The following CEP128 variants were observed in gnomAD, a reference collection of about 807,000 sequenced individuals.
CEP128 encodes centrosomal protein 128kDa.
Under a neutral mutation model 156.7 loss-of-function variants are expected in CEP128, and 132 were observed. The ratio of observed to expected loss-of-function variants is 0.84; its 90% CI spans 0.73 to 0.97. CEP128 has a LOEUF of 0.97. Ranked by LOEUF, CEP128 falls within the 50% of genes least tolerant of loss-of-function variation. The pLI is 0.00. For synonymous variants in CEP128, 469 were observed against 448.9 expected, an observed-to-expected ratio of 1.04 and a Z score of -0.57; for missense variants, 1,252 against 1,281.9, an observed-to-expected ratio of 0.98 and a Z score of 0.36.
chr14:80,526,881 G>C lies in CEP128; in HGVS notation c.3060C>G (p.Thr1020=). The C allele has an allele frequency of 1.3e-6, 2 of 1,589,770 alleles. No individual in the cohort carries two copies. The highest frequency in any genetic ancestry group is 1.7e-6 in the Non-Finnish European group (2 of 1,161,228). ...QHHQDDTKYR[T]KSFKGDRTFL... is the part of the protein sequence containing the mutation. ...TAAAGAAAATTACTTTGAAACTTTT[G>C]GTTCTGTACTTGGTGTCATCTTGGT... Residue 1020 remains threonine, a synonymous_variant, in exon 23 of 25, where the codon ACC becomes ACG. Transcript: ENST00000555265.
At chr14:80,529,659 T>C (rs1889136889) in intron 22 of CEP128, among the ~76,000 whole-genome samples, 1 of 152,198 alleles carries the variant, frequency 6.6e-6, no homozygotes, top group Non-Finnish European at 1.5e-5. Context: ...AAAATGAAAA[T>C]AATATGGGCA....
At chr14:80,681,136 A>G (rs1896307841) in intron 19 of CEP128, among the ~76,000 whole-genome samples, 2 of 152,180 alleles carry the variant, frequency 1.3e-5, no homozygotes, top group Admixed American at 1.3e-4. Flanking sequence ...ACGGTACTAT[A>G]AAAGCAAAGC....
chr14:80,828,273 C>T (rs539256623), intron 13 of CEP128, among the ~76,000 whole-genome samples: 57 of 152,120 alleles, frequency 3.7e-4, no homozygotes, highest in Middle Eastern at 6.8e-3. Flanking sequence ...CAGGCACCTG[C>T]CACCACACCT....
chr14:80,768,389 G>A (rs1276790367), intron 16 of CEP128, among the ~76,000 whole-genome samples: 2 of 152,168 alleles, frequency 1.3e-5, no homozygotes, highest in Non-Finnish European at 2.9e-5. Context: ...GTCCATGTGT[G>A]AGAGAATGAG....
At chr14:80,676,660 G>A (rs1896074222) in intron 19 of CEP128, among the ~76,000 whole-genome samples, 1 of 152,048 alleles carries the variant, frequency 6.6e-6, no homozygotes, top group East Asian at 1.9e-4. Flanking sequence ...TATTTAAAAG[G>A]ATGTTTCAAA....
intron 4 of CEP128, among the ~76,000 whole-genome samples, chr14:80,912,141 T>G (rs939313030): frequency 2.7e-5 from 4 of 150,110 alleles, no homozygotes; most frequent in African/African-American, 9.9e-5. Context: ...CGCTTAAACC[T>G]GGGAGGCGGA....
intron 19 of CEP128, among the ~76,000 whole-genome samples, chr14:80,627,736 TTTTC>T (rs1407156953): frequency 2.2e-5 from 2 of 91,996 alleles, no homozygotes; most frequent in South Asian, 5.5e-4. Flanking sequence ...TTAATTATTA[TTTTC>T]TTTTTTTTTT....
intron 13 of CEP128, among the ~76,000 whole-genome samples, chr14:80,816,571 G>A (rs1306980277): frequency 6.6e-6 from 1 of 152,208 alleles, no homozygotes; most frequent in Non-Finnish European, 1.5e-5. Flanking sequence ...ATTCTGGCAG[G>A]AAGCAGACTA....
At chr14:80,579,387 C>A (rs1445347225) in intron 20 of CEP128, among the ~76,000 whole-genome samples, 1 of 151,304 alleles carries the variant, frequency 6.6e-6, no homozygotes, top group Non-Finnish European at 1.5e-5. Context: ...CTAATCTGTA[C>A]AAAACTGAAG....
intron 24 of CEP128, 55 bp from the exon 25 acceptor site, chr14:80,497,637 TA>T (rs1185594894): frequency 9.7e-6 from 11 of 1,137,992 alleles, no homozygotes; most frequent in African/African-American, 3.1e-5. Context: ...AAAACTGGCC[TA>T]AAAAATTAAT....
chr14:80,553,090 T>A (rs1332305425), intron 21 of CEP128, among the ~76,000 whole-genome samples: 2 of 151,838 alleles, frequency 1.3e-5, no homozygotes, highest in East Asian at 3.9e-4. Context: ...TTTCTTTTTT[T>A]TAATTATACT....
chr14:80,632,928 A>G (rs1015929402), intron 19 of CEP128, among the ~76,000 whole-genome samples: 2 of 152,178 alleles, frequency 1.3e-5, no homozygotes, highest in Non-Finnish European at 1.5e-5. Context: ...CTACGTGTGC[A>G]TTTAAAAATT....
At chr14:80,877,657 G>A (rs1052122419) in intron 8 of CEP128, among the ~76,000 whole-genome samples, 1 of 152,170 alleles carries the variant, frequency 6.6e-6, no homozygotes, top group African/African-American at 2.4e-5. Context: ...CACAGGGAAG[G>A]AAAGGAATCA....
chr14:80,945,122 C>T (rs1222510369), upstream of CEP128, among the ~76,000 whole-genome samples: 5 of 152,024 alleles, frequency 3.3e-5, no homozygotes, highest in South Asian at 2.1e-4. Context: ...GCTGCAAGTC[C>T]GAGATCAATG....
At chr14:80,649,401 T>C (rs995142323) in intron 19 of CEP128, among the ~76,000 whole-genome samples, 4 of 151,688 alleles carry the variant, frequency 2.6e-5, no homozygotes, top group East Asian at 3.9e-4. Flanking sequence ...CTGAAAAAAA[T>C]TGATATTAAT....
At chr14:80,496,392 T>C (rs190825550), downstream of CEP128, 1 of 152,718 alleles carries the variant, frequency 6.5e-6, no homozygotes, top group East Asian at 1.9e-4. Flanking sequence ...TATGGTAAGT[T>C]AGGACAACAT....
chr14:80,767,172 C>T (rs546861498), intron 16 of CEP128, among the ~76,000 whole-genome samples: 65 of 152,144 alleles, frequency 4.3e-4, no homozygotes, highest in Non-Finnish European at 8.5e-4. Context: ...AAAATGTCAA[C>T]CAGGGCAGAA....
intron 14 of CEP128, among the ~76,000 whole-genome samples, chr14:80,479,358 C>T (rs554004664): frequency 3.8e-4 from 58 of 152,094 alleles, no homozygotes; most frequent in Non-Finnish European, 5.9e-4. Flanking sequence ...AAACTGGGAA[C>T]AAAAAGAGGT....
chr14:80,626,759 G>A (rs796583428), intron 19 of CEP128, among the ~76,000 whole-genome samples: 13 of 152,126 alleles, frequency 8.5e-5, no homozygotes, highest in East Asian at 1.9e-4. Context: ...GTGAAACTCC[G>A]TCTCTACTAA....
Sources: gnomAD v4.1 joint callset for allele counts (sites outside exome capture counted in the v4.1 genomes callset) on GRCh38, gnomAD v4.1.1 for gene constraint, MANE v1.5 for transcripts, NCBI Gene and HGNC (gene_info 2026-07-23, HGNC 2026-07-21) for gene names.